PLAAT3: variants seen among roughly 807,000 people sequenced by gnomAD.
The protein encoded by PLAAT3 is Ca-independent phospholipase A1/2.
A neutral mutation model predicts 16.7 loss-of-function variants in PLAAT3; 21 were observed. The ratio of observed to expected loss-of-function variants is 1.26; its 90% CI spans 0.89 to 1.81. The LOEUF (loss-of-function observed/expected upper bound fraction) is 1.81. Among genes scored for constraint, PLAAT3 ranks in the 40% most tolerant of loss-of-function variants. The pLI is 0.00. For synonymous variants in PLAAT3, 76 were observed against 81.7 expected (o/e 0.93, Z 0.38); for missense variants, 219 against 213.7 (o/e 1.02, Z -0.16).
intron 4 of PLAAT3, among the ~76,000 whole-genome samples, chr11:63,582,564 C>T (rs771861554): frequency 3.3e-5 from 5 of 152,166 alleles, no homozygotes; most frequent in Non-Finnish European, 7.3e-5. Flanking sequence ...AAAAAGAACT[C>T]CCTCCACTTC....
intron 2 of PLAAT3, among the ~76,000 whole-genome samples, chr11:63,601,768 G>C (rs1030408275): frequency 6.6e-6 from 1 of 151,950 alleles, no homozygotes; most frequent in African/African-American, 2.4e-5. Flanking sequence ...CCGAGGTCAG[G>C]AGTTCAAGAC....
At chr11:63,580,841 T>C (rs1270133178) in intron 4 of PLAAT3, among the ~76,000 whole-genome samples, 1 of 152,196 alleles carries the variant, frequency 6.6e-6, no homozygotes, top group Non-Finnish European at 1.5e-5. Flanking sequence ...GGAATGCCAG[T>C]ATGTTGTGGA....
chr11:63,615,036 A>ATATGTGTG (rs1938800208), upstream of PLAAT3, among the ~76,000 whole-genome samples: 3 of 23,324 alleles, frequency 1.3e-4, no homozygotes, highest in African/African-American at 1.2e-4. Flanking sequence ...ATGTGTGTAT[A>ATATGTGTG]TATATGTATA....
chr11:63,578,996 A>C (rs1937708649), intron 4 of PLAAT3, among the ~76,000 whole-genome samples: 1 of 152,248 alleles, frequency 6.6e-6, no homozygotes, highest in Non-Finnish European at 1.5e-5. Flanking sequence ...TAATATCCAG[A>C]ATCTACAATG....
At chr11:63,598,220 G>A in intron 2 of PLAAT3, 57 bp from the exon 3 acceptor site, 1 of 1,219,384 alleles carries the variant, frequency 8.2e-7, no homozygotes, top group Non-Finnish European at 1.2e-6. Flanking sequence ...AACCAGGACA[G>A]GGCTCAGTGA....
At chr11:63,601,265 A>G (rs1938422049) in intron 2 of PLAAT3, among the ~76,000 whole-genome samples, 1 of 151,506 alleles carries the variant, frequency 6.6e-6, no homozygotes, top group Non-Finnish European at 1.5e-5. Flanking sequence ...CATGTTAGCC[A>G]TGATGGTCGC....
chr11:63,616,258 G>C (rs931135335), upstream of PLAAT3: 1 of 151,104 alleles, frequency 6.6e-6, no homozygotes, highest in Non-Finnish European at 1.5e-5. Flanking sequence ...ACACCCCCCT[G>C]TTCCCCCCAA....
At chr11:63,595,871 G>A (rs1315223370) in intron 3 of PLAAT3, among the ~76,000 whole-genome samples, 1 of 152,166 alleles carries the variant, frequency 6.6e-6, no homozygotes, top group African/African-American at 2.4e-5. Context: ...CAAGGCTGAA[G>A]AATGGAAACT....
At chr11:63,604,806 C>A (rs552434092) in intron 2 of PLAAT3, among the ~76,000 whole-genome samples, 1 of 151,976 alleles carries the variant, frequency 6.6e-6, no homozygotes, top group East Asian at 1.9e-4. Flanking sequence ...TTTAAATAAG[C>A]ATGTGTTCAT....
At chr11:63,613,904 C>G in intron 2 of PLAAT3, 96 bp downstream of exon 2, 1 of 775,888 alleles carries the variant, frequency 1.3e-6, no homozygotes. Flanking sequence ...CCTCGAGGCT[C>G]CTCTCTCGGA....
At chr11:63,597,148 G>A (rs1938307772) in intron 3 of PLAAT3, among the ~76,000 whole-genome samples, 1 of 151,768 alleles carries the variant, frequency 6.6e-6, no homozygotes, top group South Asian at 2.1e-4. Context: ...TATAAGACCT[G>A]CCTTGCTTCC....
chr11:63,588,402 A>C (rs1188300931), intron 4 of PLAAT3, among the ~76,000 whole-genome samples: 2 of 152,218 alleles, frequency 1.3e-5, no homozygotes, highest in African/African-American at 4.8e-5. Flanking sequence ...AAGAAAAACA[A>C]GACACAAATG....
At chr11:63,613,423 TAA>T (rs1938742050) in intron 2 of PLAAT3, among the ~76,000 whole-genome samples, 2 of 23,648 alleles carry the variant, frequency 8.5e-5, no homozygotes, top group Non-Finnish European at 3.6e-4. Flanking sequence ...AAAATAAAAA[TAA>T]AAATAAAAAT....
upstream of PLAAT3, among the ~76,000 whole-genome samples, chr11:63,615,146 G>GTGTGTATATA (rs1213903098): frequency 0.34 from 3,359 of 9,970 alleles, 938 homozygotes; most frequent in African/African-American, 0.37. Context: ...ATGTGTATAT[G>GTGTGTATATA]TGTGTATATA....
chr11:63,583,816 C>T (rs1429254716), intron 4 of PLAAT3, among the ~76,000 whole-genome samples: 1 of 151,956 alleles, frequency 6.6e-6, no homozygotes, highest in Non-Finnish European at 1.5e-5. Flanking sequence ...TTTAAGTGGG[C>T]AAACAAATTC....
chr11:63,577,245 C>T (rs1453019135), intron 4 of PLAAT3, among the ~76,000 whole-genome samples: 1 of 151,684 alleles, frequency 6.6e-6, no homozygotes, highest in Non-Finnish European at 1.5e-5. Flanking sequence ...AATCTTAGCT[C>T]ACTGCAATCT....
chr11:63,606,097 AG>A (rs910957373), intron 2 of PLAAT3, among the ~76,000 whole-genome samples: 1 of 152,088 alleles, frequency 6.6e-6, no homozygotes, highest in African/African-American at 2.4e-5. Context: ...TCCGCCATCA[AG>A]AGCGCGGTGT....
intron 3 of PLAAT3, among the ~76,000 whole-genome samples, chr11:63,597,653 G>A (rs554826567): frequency 6.6e-6 from 1 of 152,340 alleles, no homozygotes; most frequent in East Asian, 1.9e-4. Context: ...GCAGTTCACA[G>A]TAGGGTTCAT....
chr11:63,585,003 A>G (rs760958152), intron 4 of PLAAT3, among the ~76,000 whole-genome samples: 17 of 151,960 alleles, frequency 1.1e-4, no homozygotes, highest in Non-Finnish European at 1.9e-4. Flanking sequence ...TATCATCTCT[A>G]GCAAGATGGG....
Sources: allele counts gnomAD v4.1 joint callset (sites outside exome capture counted in the v4.1 genomes callset), GRCh38; gene constraint gnomAD v4.1.1; transcripts MANE v1.5; gene names NCBI Gene and HGNC (gene_info 2026-07-23, HGNC 2026-07-21).